RIN2: variants seen among roughly 807,000 people sequenced by gnomAD.
The protein encoded by RIN2 is RAB5 interacting protein 2.
A neutral mutation model predicts 78.0 loss-of-function variants in RIN2; 36 were observed. The observed-to-expected ratio is 0.46, with a 90% CI of 0.35 to 0.61. RIN2 has a LOEUF of 0.61. Ranked by LOEUF, RIN2 falls within the 20% of genes least tolerant of loss-of-function variation. RIN2 has a pLI of 0.00. For synonymous variants in RIN2, 466 were observed against 466.8 expected (o/e 1.00, Z 0.02); for missense variants, 1,087 against 1,159.7 (o/e 0.94, Z 0.91).
intron 1 of RIN2, among the ~76,000 whole-genome samples, chr20:19,781,230 C>T (rs2034492902): frequency 6.6e-6 from 1 of 152,172 alleles, no homozygotes; most frequent in African/African-American, 2.4e-5. Flanking sequence ...CACATAGACC[C>T]TCCCCAATGC....
rs10605325 is a variant in RIN2 at position 19,764,918 on chromosome 20, G to GTTTTTTTTTTTTTTTTT, written c.-163+6600_-163+6616dup. Among the ~76,000 whole-genome samples, 117 of 50,388 alleles carry GTTTTTTTTTTTTTTTTT rather than the reference G, an allele frequency of 2.3e-3. 31 individuals carry two copies. The highest frequency in any genetic ancestry group is 8.7e-3 in the East Asian group (10 of 1,146). The allele number at this position is 50,388 out of a possible 152,430, so 33.1% of individuals were successfully genotyped here. On this transcript the variant is annotated intron_variant, in intron 1 of 12. Transcript: ENST00000255006. The stretch of plus-strand genomic sequence containing the variant: ...GGGCAAGTCCCACTTCACTTTCTGC[G>GTTTTTTTTTTTTTTTTT]TTTTTTTTTTTTTTTTTTTTTTTTT...
intron 3 of RIN2, among the ~76,000 whole-genome samples, chr20:19,904,163 T>C (rs541906810): frequency 9.9e-5 from 15 of 150,910 alleles, no homozygotes; most frequent in African/African-American, 3.7e-4. Flanking sequence ...ACCCAGCAGG[T>C]AGAGGTTGCA....
chr20:19,980,471 C>A (rs916489844), intron 9 of RIN2, among the ~76,000 whole-genome samples: 4 of 152,100 alleles, frequency 2.6e-5, no homozygotes, highest in African/African-American at 9.7e-5. Flanking sequence ...CTCAGTAATT[C>A]GGAAAGACCT....
intron 2 of RIN2, among the ~76,000 whole-genome samples, chr20:19,887,527 G>A (rs2038251258): frequency 6.6e-6 from 1 of 152,084 alleles, no homozygotes; most frequent in African/African-American, 2.4e-5. Context: ...GAAATGTGAT[G>A]GATCTGCCTG....
chr20:19,836,531 T>C (rs745432574), intron 2 of RIN2, among the ~76,000 whole-genome samples: 124 of 152,346 alleles, frequency 8.1e-4, no homozygotes, highest in Non-Finnish European at 1.5e-3. Flanking sequence ...ACATTAAATA[T>C]TGATAGTAAA....
intron 9 of RIN2, among the ~76,000 whole-genome samples, chr20:19,980,767 A>G (rs1008057375): frequency 1.6e-4 from 25 of 152,208 alleles, no homozygotes; most frequent in Non-Finnish European, 7.3e-5. Flanking sequence ...CTGTGAGGCC[A>G]GCACCGCATA....
At chr20:19,820,285 G>C (rs182734576) in intron 2 of RIN2, among the ~76,000 whole-genome samples, 1 of 152,246 alleles carries the variant, frequency 6.6e-6, no homozygotes, top group Non-Finnish European at 1.5e-5. Flanking sequence ...TTCTAAATAA[G>C]GTCATTTTAA....
chr20:19,922,692 C>A (rs958468344), intron 3 of RIN2, among the ~76,000 whole-genome samples: 3 of 152,134 alleles, frequency 2.0e-5, no homozygotes, highest in Non-Finnish European at 4.4e-5. Flanking sequence ...TTCTCAGACC[C>A]CATGTCCCTG....
intron 1 of RIN2, among the ~76,000 whole-genome samples, chr20:19,785,299 CA>C (rs749734603): frequency 0.013 from 1,909 of 150,550 alleles, 23 homozygotes; most frequent in South Asian, 0.025. Flanking sequence ...CACACACACA[CA>C]CCAGAGCAAA....
intron 9 of RIN2, among the ~76,000 whole-genome samples, chr20:19,981,073 G>C (rs1159857995): frequency 6.6e-6 from 1 of 151,682 alleles, no homozygotes; most frequent in African/African-American, 2.4e-5. Flanking sequence ...TAATGTATAA[G>C]AATCCCTTTT....
intron 1 of RIN2, among the ~76,000 whole-genome samples, chr20:19,777,810 G>C (rs960934461): frequency 6.6e-6 from 1 of 152,172 alleles, no homozygotes; most frequent in African/African-American, 2.4e-5. Flanking sequence ...CTTGTGTTGT[G>C]GCCTTCCTGG....
chr20:19,966,292 T>A (rs945254127), intron 7 of RIN2, among the ~76,000 whole-genome samples: 1 of 151,894 alleles, frequency 6.6e-6, no homozygotes, highest in Admixed American at 6.6e-5. Flanking sequence ...GCCTGTTGAC[T>A]AGACTCTGCC....
intron 9 of RIN2, among the ~76,000 whole-genome samples, chr20:19,979,483 TTTG>T: frequency 6.6e-6 from 1 of 152,284 alleles, no homozygotes; most frequent in African/African-American, 2.4e-5. Flanking sequence ...GTGTTTTTTG[TTTG>T]TTAATAGAGA....
At chr20:19,941,351 G>A (rs181906270) in intron 4 of RIN2, among the ~76,000 whole-genome samples, 117 of 152,252 alleles carry the variant, frequency 7.7e-4, no homozygotes, top group South Asian at 1.9e-3. Flanking sequence ...CCGCAGCCTG[G>A]GGAAAGATGC....
intron 3 of RIN2, among the ~76,000 whole-genome samples, chr20:19,914,391 G>A (rs910520424): frequency 6.6e-6 from 1 of 152,168 alleles, no homozygotes; most frequent in Non-Finnish European, 1.5e-5. Flanking sequence ...CACACGCTCT[G>A]CATTGTTCTG....
intron 3 of RIN2, among the ~76,000 whole-genome samples, chr20:19,932,552 C>T (rs776267862): frequency 2.0e-5 from 3 of 152,142 alleles, no homozygotes; most frequent in Non-Finnish European, 4.4e-5. Context: ...TCTGGAAGCT[C>T]CCCCTCTGGT....
At chr20:19,929,058 C>T (rs895230720) in intron 3 of RIN2, among the ~76,000 whole-genome samples, 1 of 152,156 alleles carries the variant, frequency 6.6e-6, no homozygotes, top group African/African-American at 2.4e-5. Context: ...ATGTAAGAAC[C>T]ATGGTCTCAC....
intron 2 of RIN2, among the ~76,000 whole-genome samples, chr20:19,812,714 T>C (rs964933170): frequency 6.6e-6 from 1 of 152,198 alleles, no homozygotes; most frequent in African/African-American, 2.4e-5. Context: ...AATTGTTTCA[T>C]AGCGTGGGCA....
intron 2 of RIN2, among the ~76,000 whole-genome samples, chr20:19,830,557 G>T (rs914143771): frequency 2.6e-5 from 4 of 152,174 alleles, no homozygotes; most frequent in African/African-American, 7.2e-5. Context: ...CCTACTCAAG[G>T]CCAGTCATTC....
Sources: gnomAD v4.1 joint callset for allele counts (sites outside exome capture counted in the v4.1 genomes callset) on GRCh38, gnomAD v4.1.1 for gene constraint, MANE v1.5 for transcripts, NCBI Gene and HGNC (gene_info 2026-07-23, HGNC 2026-07-21) for gene names.